Variants in ANO2 observed in about 807,000 individuals in gnomAD.
ANO2 encodes anoctamin-2.
ANO2 carries 101 observed loss-of-function variants against 124.2 expected under a neutral mutation model. The ratio of observed to expected loss-of-function variants is 0.81; its 90% CI spans 0.69 to 0.96. ANO2 has a LOEUF of 0.96. ANO2 is among the 40% of genes least tolerant of loss of function. ANO2 has a pLI of 0.00. For synonymous variants in ANO2, 486 were observed against 482.5 expected, an observed-to-expected ratio of 1.01 and a Z score of -0.09; for missense variants, 1,293 against 1,274.5, an observed-to-expected ratio of 1.01 and a Z score of -0.22.
chr12:5,916,943 A>G (rs764779429), intron 3 of ANO2, among the ~76,000 whole-genome samples: 7 of 152,222 alleles, frequency 4.6e-5, no homozygotes, highest in Non-Finnish European at 1.0e-4. Flanking sequence ...TTTGGAAGAC[A>G]GAGACAACGC....
intron 3 of ANO2, among the ~76,000 whole-genome samples, chr12:5,901,355 C>G (rs1318874498): frequency 2.0e-5 from 3 of 152,164 alleles, no homozygotes; most frequent in Non-Finnish European, 4.4e-5. Flanking sequence ...GATACCCCAA[C>G]AAGAACAAGG....
chr12:5,754,200 T>C (rs1951515619), intron 10 of ANO2, among the ~76,000 whole-genome samples: 1 of 152,194 alleles, frequency 6.6e-6, no homozygotes, highest in Non-Finnish European at 1.5e-5. Flanking sequence ...GAGATGTTCA[T>C]GTGATTTTTA....
chr12:5,815,985 T>C (rs1045494881), intron 7 of ANO2, among the ~76,000 whole-genome samples: 3 of 152,144 alleles, frequency 2.0e-5, no homozygotes, highest in Admixed American at 6.6e-5. Context: ...ATCTTTAGTA[T>C]CTTTTCTATT....
chr12:5,632,124 G>C (rs1377977159), intron 16 of ANO2, among the ~76,000 whole-genome samples: 1 of 152,130 alleles, frequency 6.6e-6, no homozygotes, highest in African/African-American at 2.4e-5. Context: ...GGGAGCAGAA[G>C]GAGCCAAGTC....
chr12:5,946,150 C>G (rs1262369727), upstream of ANO2: 1 of 1,613,862 alleles, frequency 6.2e-7, no homozygotes, highest in Non-Finnish European at 8.5e-7. The surrounding 1 kb of genome is among the most constrained non-coding windows in gnomAD (Gnocchi z 4.1). Context: ...TGATCACTGA[C>G]CTTCAGGCAT....
chr12:5,912,054 C>T (rs1941082145), intron 3 of ANO2, among the ~76,000 whole-genome samples: 1 of 152,180 alleles, frequency 6.6e-6, no homozygotes, highest in Non-Finnish European at 1.5e-5. Context: ...GATCAAAGCC[C>T]AGAAACCTCC....
intron 15 of ANO2, among the ~76,000 whole-genome samples, chr12:5,646,005 G>T (rs1565516652): frequency 6.6e-6 from 1 of 152,152 alleles, no homozygotes; most frequent in Non-Finnish European, 1.5e-5. Flanking sequence ...TCCATAACAA[G>T]TTTTTTCTGC....
chr12:5,852,329 C>T (rs1158302794), intron 4 of ANO2, among the ~76,000 whole-genome samples: 1 of 152,290 alleles, frequency 6.6e-6, no homozygotes, highest in East Asian at 1.9e-4. Flanking sequence ...AAAGACACAG[C>T]GTATTCCTTG....
In ANO2 at chr12:5,739,791, A is replaced by C. The variant is rs1404314981; in HGVS notation, c.1352-392T>G. 7 of 441,676 alleles carry C rather than the reference A, an allele frequency of 1.6e-5. No individual in the cohort carries two copies. In the Admixed American group the frequency reaches 1.7e-4, roughly 11 times the overall value. The allele number at this position is 441,676 out of a possible 1,614,324, so 27.4% of individuals were successfully genotyped here. ...ATACATTCTTTCCTCCTTCACCTTC[A>C]TCAGCACTGTCACTTTTTCCCTACA... On this transcript the variant is annotated intron_variant, in intron 12 of 24. Transcript: ENST00000682330.
At chr12:5,906,127 C>T (rs1221534258) in intron 3 of ANO2, among the ~76,000 whole-genome samples, 1 of 152,060 alleles carries the variant, frequency 6.6e-6, no homozygotes, top group African/African-American at 2.4e-5. Flanking sequence ...AGGATAGGAG[C>T]TGACACACAG....
In ANO2 at chr12:5,635,464, TTGGGTAACAAGGGATTC is replaced by T; in HGVS notation, c.1621-134_1621-118del. On this transcript the variant is annotated intron_variant, in intron 15 of 24. Coordinates refer to ENST00000682330, the MANE Select transcript of ANO2 (RefSeq NM_001364791.2). The surrounding 1 kb of genome is among the most constrained non-coding windows in gnomAD (Gnocchi z 5.2). Reference sequence around the variant, plus strand: ...GATATTATTAATCTGGAATCTTTTGTTGGGTAACAAGGGATTCCAGATATTATTAGTCTGGAATATTT... The same window carrying T: ...GATATTATTAATCTGGAATCTTTTGTCAGATATTATTAGTCTGGAATATTT... 1.1e-6 allele frequency: 1 copy of T among 879,434 alleles called. No individual in the cohort carries two copies. Among genetic ancestry groups the T allele is most frequent in the African/African-American group, 1.7e-5 (1 of 57,818 alleles). 54.5% of individuals were successfully genotyped at this position (879,434 alleles called of 1,614,324 possible).
intron 20 of ANO2, among the ~76,000 whole-genome samples, chr12:5,588,801 C>T (rs1011527505): frequency 3.3e-5 from 5 of 152,164 alleles, no homozygotes; most frequent in Admixed American, 6.5e-5. Flanking sequence ...GACCACAGAC[C>T]GGTGGGTTGC....
At chr12:5,848,149 A>G (rs1185711068) in intron 4 of ANO2, among the ~76,000 whole-genome samples, 2 of 152,320 alleles carry the variant, frequency 1.3e-5, no homozygotes, top group East Asian at 3.9e-4. Flanking sequence ...TATTATTGAA[A>G]ACATAGTCCC....
chr12:5,616,414 C>T (rs1280282519), intron 16 of ANO2, among the ~76,000 whole-genome samples: 4 of 152,188 alleles, frequency 2.6e-5, no homozygotes, highest in Non-Finnish European at 5.9e-5. Context: ...GCCTCATCAC[C>T]TCCCATACAC....
chr12:5,896,016 G>C (rs1336781291), intron 3 of ANO2, among the ~76,000 whole-genome samples: 1 of 152,132 alleles, frequency 6.6e-6, no homozygotes, highest in African/African-American at 2.4e-5. Context: ...ATTATTCTAA[G>C]TGAAGTAACT....
chr12:5,767,013 A>C (rs1290030624), intron 10 of ANO2, among the ~76,000 whole-genome samples: 1 of 152,248 alleles, frequency 6.6e-6, no homozygotes, highest in East Asian at 1.9e-4. Flanking sequence ...TCAGAAGAGC[A>C]GAGTTGAGCA....
chr12:5,674,752 T>C (rs1157328230), intron 14 of ANO2, among the ~76,000 whole-genome samples: 1 of 152,234 alleles, frequency 6.6e-6, no homozygotes, highest in Non-Finnish European at 1.5e-5. Flanking sequence ...TGGATCATTA[T>C]TTCAATTCTC....
At chr12:5,599,460 G>A (rs1943822259) in intron 20 of ANO2, 24 bp downstream of exon 20, 1 of 1,581,614 alleles carries the variant, frequency 6.3e-7, no homozygotes, top group Non-Finnish European at 8.6e-7. Context: ...GCCCCCAGTG[G>A]AAGGCAGGAC....
At chr12:5,934,106 T>C (rs556696837) in intron 1 of ANO2, among the ~76,000 whole-genome samples, 1 of 152,200 alleles carries the variant, frequency 6.6e-6, no homozygotes, top group Non-Finnish European at 1.5e-5. Flanking sequence ...ACACTTTACA[T>C]GTGTCAGACA....
Sources: gnomAD v4.1 joint callset for allele counts (sites outside exome capture counted in the v4.1 genomes callset) on GRCh38, gnomAD v4.1.1 for gene constraint, Gnocchi (gnomAD v3.1) non-coding constraint, MANE v1.5 for transcripts, NCBI Gene and HGNC (gene_info 2026-07-23, HGNC 2026-07-21) for gene names.